The following TMEM255B variants were observed in gnomAD, a reference collection of about 807,000 sequenced individuals.
TMEM255B encodes family with sequence similarity 70, member B.
In TMEM255B, 35 loss-of-function variants were observed where a neutral mutation model predicts 34.5. The ratio of observed to expected loss-of-function variants is 1.01; its 90% confidence interval spans 0.77 to 1.34. TMEM255B has a LOEUF of 1.34. Ranked by LOEUF, TMEM255B falls within the 40% of genes most tolerant of loss-of-function variation. TMEM255B has a pLI of 0.00. For synonymous variants in TMEM255B, 206 were observed against 201.2 expected (o/e 1.02, Z -0.20); for missense variants, 432 against 433.2 (o/e 1.00, Z 0.02).
rs2050351768 is a variant in TMEM255B, at chr13:113,764,163, G to A, written c.47-1952G>A. The stretch of plus-strand genomic sequence containing the variant: ...GGCGTGGGACACGGGGACACGGGTT[G>A]GGGCTGGGGGAGCATGACTTTAACA... On this transcript the variant is annotated intron_variant, in intron 1 of 8. Transcript: ENST00000375353. Among the ~76,000 whole-genome samples, 3 of 152,162 alleles carry A rather than the reference G, an allele frequency of 2.0e-5. No individual in the cohort carries two copies. In the South Asian group the frequency reaches 6.2e-4, roughly 32 times the overall value.
At chr13:113,803,316 A>G (rs1371601990) in intron 7 of TMEM255B, 3 of 148,188 alleles carry the variant, frequency 2.0e-5, no homozygotes, top group Non-Finnish European at 4.5e-5. Flanking sequence ...CTTCACACCC[A>G]CCAAGCAGGC....
At chr13:113,801,156 T>C (rs2051052373) in intron 6 of TMEM255B, among the ~76,000 whole-genome samples, 1 of 152,212 alleles carries the variant, frequency 6.6e-6, no homozygotes, top group East Asian at 1.9e-4. Context: ...CTTAGATGTT[T>C]ACATGAGGAA....
chr13:113,792,656 T>G (rs7492194), intron 3 of TMEM255B, among the ~76,000 whole-genome samples: 1 of 152,232 alleles, frequency 6.6e-6, no homozygotes, highest in Admixed American at 6.5e-5. Context: ...TCCAGCACAC[T>G]GGGCAGCTAC....
intron 7 of TMEM255B, chr13:113,803,425 G>A (rs1029540583): frequency 4.7e-5 from 7 of 148,332 alleles, no homozygotes; most frequent in African/African-American, 1.7e-4. Context: ...CGTGCCCTTC[G>A]TAGACGAGGG....
At chr13:113,783,302 G>A (rs148869405) in intron 3 of TMEM255B, among the ~76,000 whole-genome samples, 45 of 152,296 alleles carry the variant, frequency 3.0e-4, no homozygotes, top group African/African-American at 9.4e-4. Context: ...TGAAGCCAGT[G>A]TCTCCCTGTT....
intron 3 of TMEM255B, among the ~76,000 whole-genome samples, chr13:113,791,857 C>T (rs1412290047): frequency 2.6e-5 from 4 of 152,222 alleles, no homozygotes; most frequent in Non-Finnish European, 5.9e-5. Context: ...GGCCCCTCTG[C>T]GTGCTTGCAT....
intron 8 of TMEM255B, among the ~76,000 whole-genome samples, chr13:113,810,101 T>G (rs1044955522): frequency 6.6e-6 from 1 of 152,156 alleles, no homozygotes; most frequent in African/African-American, 2.4e-5. Flanking sequence ...TCCCAGGGCG[T>G]CTGCAGTGCA....
intron 4 of TMEM255B, among the ~76,000 whole-genome samples, chr13:113,795,927 CCA>C (rs2050920998): frequency 7.5e-6 from 1 of 133,366 alleles, no homozygotes; most frequent in South Asian, 2.4e-4. Context: ...ACAGCACACA[CCA>C]CACAACACAC....
intron 8 of TMEM255B, among the ~76,000 whole-genome samples, chr13:113,810,779 A>C (rs2051283264): frequency 6.6e-6 from 1 of 152,190 alleles, no homozygotes; most frequent in South Asian, 2.1e-4. Flanking sequence ...ACACCTGAAG[A>C]TGCCTCCACG....
chr13:113,765,694 C>T (rs954174649), intron 1 of TMEM255B, among the ~76,000 whole-genome samples: 1 of 152,226 alleles, frequency 6.6e-6, no homozygotes, highest in African/African-American at 2.4e-5. Flanking sequence ...GCCCCCTCCC[C>T]CACTGGGTGT....
chr13:113,787,550 T>C (rs1159131616), intron 3 of TMEM255B, among the ~76,000 whole-genome samples: 4 of 151,988 alleles, frequency 2.6e-5, no homozygotes, highest in Admixed American at 6.6e-5. Context: ...GTGGCGACCA[T>C]GTGGGGAGCC....
intron 4 of TMEM255B, among the ~76,000 whole-genome samples, chr13:113,796,431 CAG>C (rs1491049841): frequency 1.4e-5 from 2 of 142,004 alleles, no homozygotes; most frequent in African/African-American, 5.1e-5. Context: ...ACACACCACA[CAG>C]AGCACACACC....
At chr13:113,761,472 A>G in intron 1 of TMEM255B, 1 of 578,014 alleles carries the variant, frequency 1.7e-6, no homozygotes, top group Non-Finnish European at 2.2e-6. Flanking sequence ...TGACAAGGTG[A>G]TATTCTGAGA....
intron 1 of TMEM255B, 68 bp downstream of exon 1, chr13:113,759,383 A>G (rs2050254747): frequency 1.7e-6 from 2 of 1,209,154 alleles, no homozygotes; most frequent in Non-Finnish European, 2.1e-6. Context: ...GGCTGGGACT[A>G]CAGGTCCCCG....
At chr13:113,780,473 A>G (rs1024289932) in intron 3 of TMEM255B, among the ~76,000 whole-genome samples, 5 of 152,214 alleles carry the variant, frequency 3.3e-5, no homozygotes, top group Non-Finnish European at 7.3e-5. Flanking sequence ...GAGTATACTA[A>G]ATTGTTAAAA....
chr13:113,761,200 C>A, intron 1 of TMEM255B: 1 of 985,344 alleles, frequency 1.0e-6, no homozygotes, highest in Non-Finnish European at 1.2e-6. Flanking sequence ...GTTCCAGGTC[C>A]GGCTGGCAGG....
intron 8 of TMEM255B, among the ~76,000 whole-genome samples, chr13:113,809,924 T>G (rs1172577932): frequency 6.6e-6 from 1 of 152,122 alleles, no homozygotes; most frequent in East Asian, 1.9e-4. Flanking sequence ...TGTGTGAGTT[T>G]CGGGGGAAGA....
Position 113,806,037 on chromosome 13 carries a change from A to T in TMEM255B, c.813+1009A>T, listed in dbSNP as rs1189229112. Among the ~76,000 whole-genome samples, 1 of 152,214 alleles carries T rather than the reference A, an allele frequency of 6.6e-6. No individual in the cohort carries two copies. Among genetic ancestry groups the T allele is most frequent in the Non-Finnish European group, 1.5e-5 (1 of 68,038 alleles). On this transcript the variant is annotated intron_variant, in intron 8 of 8. Coordinates refer to ENST00000375353, the MANE Select transcript of TMEM255B (RefSeq NM_182614.4). The surrounding 1 kb of genome is among the most constrained non-coding windows in gnomAD (Gnocchi z 4.2). ...GGGGAGTCGTGAGTTTTGAAGTCAC[A>T]CATGACACAGGTCTTCAGATATTCC...
At position 113,811,917 on chromosome 13, in the gene TMEM255B, TA is replaced by T. The variant is rs758298087; in HGVS notation, c.*18del. 1.3e-6 allele frequency: 2 copies of T among 1,554,832 alleles called. No individual in the cohort carries two copies. On this transcript the variant is annotated 3_prime_UTR_variant, in exon 9 of 9. Coordinates refer to ENST00000375353, the MANE Select transcript of TMEM255B (RefSeq NM_182614.4). ...TACGCACCCTGATAGAGGCGTGGAG[TA>T]AAAGATAACTTGTTTGTTTTTTTTT...
Sources: gnomAD v4.1 joint callset for allele counts (sites outside exome capture counted in the v4.1 genomes callset) on GRCh38, gnomAD v4.1.1 for gene constraint, Gnocchi (gnomAD v3.1) non-coding constraint, MANE v1.5 for transcripts, NCBI Gene and HGNC (gene_info 2026-07-23, HGNC 2026-07-21) for gene names.